The following CCDC148 variants were observed in gnomAD, a reference collection of about 807,000 sequenced individuals.
CCDC148 encodes coiled-coil domain-containing protein 148.
CCDC148 carries 89 observed loss-of-function variants against 85.7 expected under a neutral mutation model. That is an observed-to-expected ratio of 1.04 (90% confidence interval 0.87 to 1.24). CCDC148 has a LOEUF of 1.24. Ranked by LOEUF, CCDC148 falls within the 50% of genes most tolerant of loss-of-function variation. The pLI is 0.00. For missense variants in CCDC148, 692 were observed against 671.7 expected (o/e 1.03, Z -0.33); for synonymous variants, 230 against 213.9 (o/e 1.08, Z -0.66).
intron 1 of CCDC148, among the ~76,000 whole-genome samples, chr2:158,437,524 C>T (rs1022361731): frequency 3.0e-4 from 46 of 152,158 alleles, no homozygotes; most frequent in Admixed American, 6.5e-5. Flanking sequence ...CAATATCATA[C>T]TGAATGGGCA....
chr2:158,257,902 A>G (rs1689073701), intron 9 of CCDC148, among the ~76,000 whole-genome samples: 1 of 151,910 alleles, frequency 6.6e-6, no homozygotes, highest in Non-Finnish European at 1.5e-5. Context: ...CTGAAAGGAT[A>G]AAATTTACAA....
intron 9 of CCDC148, among the ~76,000 whole-genome samples, chr2:158,280,544 T>A (rs905184410): frequency 6.6e-6 from 1 of 152,126 alleles, no homozygotes; most frequent in African/African-American, 2.4e-5. Flanking sequence ...CAATACATAA[T>A]GGTAAAGGGA....
At chr2:158,435,976 G>A (rs1687631139) in intron 1 of CCDC148, among the ~76,000 whole-genome samples, 1 of 152,074 alleles carries the variant, frequency 6.6e-6, no homozygotes, top group African/African-American at 2.4e-5. Flanking sequence ...GATTCATAAA[G>A]CAAGTTCTTA....
At chr2:158,358,376 T>A (rs754845483) in intron 2 of CCDC148, 73 bp downstream of exon 2, 9 of 1,517,222 alleles carry the variant, frequency 5.9e-6, no homozygotes, top group Non-Finnish European at 8.0e-6. Context: ...TATTTTCACA[T>A]TGACAATGTA....
intron 9 of CCDC148, among the ~76,000 whole-genome samples, chr2:158,266,630 C>T (rs1034546680): frequency 1.3e-5 from 2 of 152,044 alleles, no homozygotes; most frequent in East Asian, 3.9e-4. Flanking sequence ...TCTTCCCACC[C>T]TTTCTCCCTG....
intron 9 of CCDC148, chr2:158,288,792 C>G (rs140922308): frequency 0.031 from 12,057 of 389,046 alleles, 518 homozygotes; most frequent in African/African-American, 0.13. Flanking sequence ...TACCAATTTA[C>G]TGTATTAGTC....
intron 9 of CCDC148, among the ~76,000 whole-genome samples, chr2:158,306,733 T>A (rs1691706974): frequency 6.6e-6 from 1 of 151,302 alleles, no homozygotes; most frequent in African/African-American, 2.4e-5. Flanking sequence ...ATGTAAATGA[T>A]GAGTTAATGG....
chr2:158,350,887 G>C (rs1188007018), intron 2 of CCDC148, among the ~76,000 whole-genome samples: 4 of 151,816 alleles, frequency 2.6e-5, no homozygotes, highest in South Asian at 2.1e-4. Flanking sequence ...TCATTTCTTT[G>C]TGGGGAGTAT....
At chr2:158,364,096 CT>C (rs1295778798) in intron 1 of CCDC148, among the ~76,000 whole-genome samples, 1 of 140,810 alleles carries the variant, frequency 7.1e-6, no homozygotes, top group Non-Finnish European at 1.6e-5. Flanking sequence ...AGGAATACAA[CT>C]TACAAGTGAT....
intron 11 of CCDC148, among the ~76,000 whole-genome samples, chr2:158,214,572 C>A (rs1686749082): frequency 6.6e-6 from 1 of 152,180 alleles, no homozygotes; most frequent in Non-Finnish European, 1.5e-5. Context: ...GGTCATGTTT[C>A]ATTCTTTGTC....
intron 9 of CCDC148, among the ~76,000 whole-genome samples, chr2:158,268,128 C>T (rs1689550745): frequency 6.6e-6 from 1 of 152,118 alleles, no homozygotes; most frequent in African/African-American, 2.4e-5. Flanking sequence ...ATTGCTGAGT[C>T]GTACATGTTT....
intron 1 of CCDC148, among the ~76,000 whole-genome samples, chr2:158,443,781 C>T (rs894284559): frequency 6.6e-6 from 1 of 152,104 alleles, no homozygotes; most frequent in South Asian, 2.1e-4. Context: ...GAACACAGGG[C>T]CATAGAGATT....
At chr2:158,310,497 G>A (rs572735271) in intron 8 of CCDC148, among the ~76,000 whole-genome samples, 28 of 152,102 alleles carry the variant, frequency 1.8e-4, no homozygotes, top group African/African-American at 6.5e-4. Flanking sequence ...CAGACGTGAC[G>A]GCTGGGCAGA....
At chr2:158,334,546 T>C (rs1381203257) in intron 7 of CCDC148, among the ~76,000 whole-genome samples, 1 of 152,138 alleles carries the variant, frequency 6.6e-6, no homozygotes, top group Non-Finnish European at 1.5e-5. Flanking sequence ...TTTATCTCAT[T>C]CTTTTATGAT....
chr2:158,293,507 G>A (rs934708213), intron 9 of CCDC148, among the ~76,000 whole-genome samples: 6 of 152,180 alleles, frequency 3.9e-5, no homozygotes, highest in African/African-American at 1.4e-4. Flanking sequence ...ATAAAGAGAA[G>A]GTAGAGTAGA....
chr2:158,267,165 T>C (rs950377417), intron 9 of CCDC148, among the ~76,000 whole-genome samples: 2 of 151,938 alleles, frequency 1.3e-5, no homozygotes, highest in African/African-American at 2.4e-5. Flanking sequence ...ATTCCTTTCT[T>C]CTCCCCACAT....
At chr2:158,288,262 T>C (rs1196101081) in intron 9 of CCDC148, among the ~76,000 whole-genome samples, 1 of 152,248 alleles carries the variant, frequency 6.6e-6, no homozygotes, top group Non-Finnish European at 1.5e-5. Context: ...TCTTGGGAAT[T>C]AACATTTAGC....
At chr2:158,392,443 A>G (rs1685351985) in intron 1 of CCDC148, among the ~76,000 whole-genome samples, 2 of 152,090 alleles carry the variant, frequency 1.3e-5, no homozygotes, top group Admixed American at 1.3e-4. Flanking sequence ...CAAAATTTGA[A>G]ACTTTTGAGC....
intron 1 of CCDC148, among the ~76,000 whole-genome samples, chr2:158,418,635 C>G (rs1411166625): frequency 7.0e-6 from 1 of 142,160 alleles, no homozygotes; most frequent in African/African-American, 2.5e-5. Flanking sequence ...CAATCCTGCC[C>G]AAAATAACAT....
Sources: allele counts gnomAD v4.1 joint callset (sites outside exome capture counted in the v4.1 genomes callset), GRCh38; gene constraint gnomAD v4.1.1; transcripts MANE v1.5; gene names NCBI Gene and HGNC (gene_info 2026-07-23, HGNC 2026-07-21).